Variants in RGS20 observed in about 807,000 individuals in gnomAD.
RGS20 encodes regulator of G protein signaling 20.
RGS20 carries 30 observed loss-of-function variants against 33.6 expected under a neutral mutation model. That is an observed-to-expected ratio of 0.89 (90% CI 0.67 to 1.21). RGS20 has a LOEUF of 1.21. RGS20 is among the 50% of genes most tolerant of loss of function. The pLI is 0.00. For missense variants in RGS20, 472 were observed against 502.4 expected (o/e 0.94, Z 0.58); for synonymous variants, 208 against 197.9 (o/e 1.05, Z -0.43).
chr8:53,877,563 C>T lies in RGS20; in HGVS notation c.166-1695C>T, dbSNP rs1291120421. 6.6e-6 allele frequency among the ~76,000 whole-genome samples: 1 copy of T among 152,220 alleles called. No homozygotes were observed. The highest frequency in any genetic ancestry group is 1.5e-5 in the Non-Finnish European group (1 of 68,030). The stretch of plus-strand genomic sequence containing the variant: ...TTTCCAAGTCGCCCACTTTCCCCCT[C>T]GAGGGAGCTGTTGGCGCTTCTCCAG... On this transcript the variant is annotated intron_variant, in intron 1 of 5. Transcript: ENST00000297313. This position sits in a 1 kb window ranked among gnomAD's most constrained non-coding sequence, Gnocchi z 5.7.
rs571220955 is a variant in RGS20 at position 53,952,582 on chromosome 8, C to G, written c.744-1494C>G. Among the ~76,000 whole-genome samples, 107 of 151,712 alleles carry G rather than the reference C, an allele frequency of 7.1e-4. 3 individuals are homozygous for G. The South Asian group carries it at 0.017, about 25-fold the overall frequency. On this transcript the variant is annotated intron_variant, in intron 4 of 5. Coordinates refer to ENST00000297313, the MANE Select transcript of RGS20 (RefSeq NM_170587.4). ...TCTACTAAAAATACAAAAAATTACC[C>G]GGGTGTGGTGGTAAGCACCTGTAAT...
Position 53,958,846 on chromosome 8 carries a change from G to C in RGS20, c.*388G>C, listed in dbSNP as rs1467374018. 1 of 152,476 alleles carries C rather than the reference G, an allele frequency of 6.6e-6. No homozygotes were observed. Among genetic ancestry groups the C allele is most frequent in the African/African-American group, 2.4e-5 (1 of 41,444 alleles). 9.4% of individuals were successfully genotyped at this position (152,476 alleles called of 1,614,324 possible). ...CTGATTACTCTCCCCTCAAAGAAAA[G>C]ACATTCAGGTGTTTCTCAACGACAT... On this transcript the variant is annotated 3_prime_UTR_variant, in exon 6 of 6. Transcript: ENST00000297313.
intron 2 of RGS20, among the ~76,000 whole-genome samples, chr8:53,899,056 T>A (rs1040664248): frequency 6.6e-6 from 1 of 152,228 alleles, no homozygotes; most frequent in African/African-American, 2.4e-5. Context: ...AGCTGTGATG[T>A]GTTAACAGCA....
chr8:53,863,378 A>G (rs1188211843), intron 1 of RGS20, among the ~76,000 whole-genome samples: 1 of 152,144 alleles, frequency 6.6e-6, no homozygotes, highest in Non-Finnish European at 1.5e-5. Flanking sequence ...TCCCAGATGC[A>G]ATAAGCATTC....
chr8:53,874,745 G>A (rs1159163257), intron 1 of RGS20, among the ~76,000 whole-genome samples: 1 of 152,136 alleles, frequency 6.6e-6, no homozygotes, highest in Non-Finnish European at 1.5e-5. Flanking sequence ...GCCTTACATG[G>A]CATTCTCTCT....
intron 2 of RGS20, among the ~76,000 whole-genome samples, chr8:53,903,332 G>A (rs1239158526): frequency 6.6e-6 from 1 of 152,218 alleles, no homozygotes; most frequent in African/African-American, 2.4e-5. Flanking sequence ...AGTGAACAAT[G>A]AGGCTTACAA....
At chr8:53,875,186 C>T (rs1321121477) in intron 1 of RGS20, among the ~76,000 whole-genome samples, 3 of 152,146 alleles carry the variant, frequency 2.0e-5, no homozygotes, top group African/African-American at 7.2e-5. Context: ...AATCCCACCA[C>T]TTTGTGAGGC....
intron 2 of RGS20, 35 bp downstream of exon 1, chr8:53,881,119 G>T (rs756771012): frequency 2.7e-6 from 4 of 1,456,386 alleles, no homozygotes; most frequent in Non-Finnish European, 3.6e-6. Context: ...CTCTTTCTTC[G>T]TCTCGGGCTC....
At chr8:53,950,348 T>C (rs956056743) in intron 4 of RGS20, among the ~76,000 whole-genome samples, 4 of 152,196 alleles carry the variant, frequency 2.6e-5, no homozygotes, top group African/African-American at 4.8e-5. Flanking sequence ...GAGTTTCCCT[T>C]ATCCAAAATG....
chr8:53,917,322 T>G (rs1030473923), intron 2 of RGS20, among the ~76,000 whole-genome samples: 2 of 152,120 alleles, frequency 1.3e-5, no homozygotes, highest in Admixed American at 1.3e-4. Flanking sequence ...TAATTTTTTG[T>G]ATTTTCAGTA....
chr8:53,953,959 C>T, intron 4 of RGS20, 117 bp from the exon 4 acceptor site: 1 of 776,008 alleles, frequency 1.3e-6, no homozygotes, highest in South Asian at 1.5e-5. Context: ...CCTAAAAGGG[C>T]CTAAATGCAT....
intron 2 of RGS20, among the ~76,000 whole-genome samples, chr8:53,892,967 C>T (rs1812756399): frequency 6.6e-6 from 1 of 151,748 alleles, no homozygotes; most frequent in Non-Finnish European, 1.5e-5. Flanking sequence ...ACTTGTAGAC[C>T]CCCAAAAAAT....
intron 3 of RGS20, among the ~76,000 whole-genome samples, chr8:53,943,726 C>T (rs1814375268): frequency 1.6e-5 from 2 of 125,966 alleles, no homozygotes; most frequent in Non-Finnish European, 3.2e-5. Flanking sequence ...AGTACAGCTT[C>T]TGGTTCTCTG....
chr8:53,881,139 C>T, intron 2 of RGS20, 55 bp downstream of exon 1: 2 of 1,349,838 alleles, frequency 1.5e-6, no homozygotes, highest in South Asian at 1.5e-5. Context: ...CGCCCTGAGG[C>T]TTCGTGCTGG....
chr8:53,881,932 G>A (rs1424500120), intron 2 of RGS20, among the ~76,000 whole-genome samples: 1 of 152,158 alleles, frequency 6.6e-6, no homozygotes, highest in African/African-American at 2.4e-5. Flanking sequence ...GGGAAGTGGA[G>A]GTGCAGGCTG....
intron 2 of RGS20, among the ~76,000 whole-genome samples, chr8:53,912,871 T>C (rs2129284107): frequency 6.6e-6 from 1 of 152,334 alleles, no homozygotes; most frequent in East Asian, 1.9e-4. Context: ...TTCAAAATTG[T>C]TCCCTATCAC....
At chr8:53,894,653 A>T (rs1812803924) in intron 2 of RGS20, among the ~76,000 whole-genome samples, 1 of 152,188 alleles carries the variant, frequency 6.6e-6, no homozygotes, top group Non-Finnish European at 1.5e-5. Context: ...GGGGTGACAG[A>T]TGCATCCATG....
intron 2 of RGS20, among the ~76,000 whole-genome samples, chr8:53,933,158 C>A (rs1226326720): frequency 6.6e-6 from 1 of 152,140 alleles, no homozygotes; most frequent in Admixed American, 6.6e-5. Context: ...TGAGGAAAAA[C>A]CAGTGCAAAA....
intron 1 of RGS20, among the ~76,000 whole-genome samples, chr8:53,867,917 G>T (rs1027687725): frequency 6.6e-6 from 1 of 152,082 alleles, no homozygotes; most frequent in Non-Finnish European, 1.5e-5. Flanking sequence ...TAGAGCCGGG[G>T]TTTTGCCACA....
Sources: gnomAD v4.1 joint callset for allele counts (sites outside exome capture counted in the v4.1 genomes callset) on GRCh38, gnomAD v4.1.1 for gene constraint, Gnocchi (gnomAD v3.1) non-coding constraint, MANE v1.5 for transcripts, NCBI Gene and HGNC (gene_info 2026-07-23, HGNC 2026-07-21) for gene names.